The following LMO4 variants were observed in gnomAD, a reference collection of about 807,000 sequenced individuals.
LMO4 encodes the protein LIM domain transcription factor LMO4.
Under a neutral mutation model 18.5 loss-of-function variants are expected in LMO4, and 3 were observed. The observed-to-expected ratio is 0.16, with a 90% CI of 0.07 to 0.42. LMO4 has a LOEUF of 0.42. Among genes scored for constraint, LMO4 ranks in the 10% least tolerant of loss-of-function variants. LMO4 has a pLI of 0.99. For synonymous variants in LMO4, 100 were observed against 88.1 expected (o/e 1.14, Z -0.76); for missense variants, 121 against 219.9 (o/e 0.55, Z 2.84).
rs767934405 is a variant in LMO4, at chr1:87,339,640, T to C, written c.333+8T>C. The C allele has an allele frequency of 1.3e-6, 2 of 1,575,250 alleles. No homozygotes were observed. Among genetic ancestry groups the C allele is most frequent in the East Asian group, 4.5e-5 (2 of 44,676 alleles). The stretch of plus-strand genomic sequence containing the variant: ...AATGTGTATCATCTTAAGGTAGTAT[T>C]TGCATCTCTCTTTTTTTTTTAAAAA... On this transcript the variant is annotated splice_region_variant and intron_variant, in intron 3 of 4. Transcript: ENST00000370544.
rs943594021 is a variant in LMO4 at position 87,345,032 on chromosome 1, GAAAA to G, written c.*239_*242del. ...GCTAATGGGAGACTGTAGAGAAAATGAAAAAAGATCCACCAGAGGACATCTTGGG... is the reference window on the plus strand; with the variant it reads ...GCTAATGGGAGACTGTAGAGAAAATGAAGATCCACCAGAGGACATCTTGGG... On this transcript the variant is annotated 3_prime_UTR_variant, in exon 5 of 5. Transcript: ENST00000370544. 2.0e-5 allele frequency: 3 copies of G among 151,402 alleles called. No individual in the cohort carries two copies. The highest frequency in any genetic ancestry group is 7.8e-5 in the African/African-American group (3 of 38,266). 9.4% of individuals were successfully genotyped at this position (151,402 alleles called of 1,614,324 possible). A position where few individuals can be genotyped will look rare whatever the true frequency, so the allele number is the denominator to read the frequency against.
At chr1:87,340,441 A>G (rs1193678398) in intron 4 of LMO4, among the ~76,000 whole-genome samples, 1 of 152,272 alleles carries the variant, frequency 6.6e-6, no homozygotes, top group Non-Finnish European at 1.5e-5. Flanking sequence ...CACGTTGAAC[A>G]TAAGATTATC....
At chr1:87,332,968 G>A (rs1650199126) in intron 2 of LMO4, among the ~76,000 whole-genome samples, 1 of 152,064 alleles carries the variant, frequency 6.6e-6, no homozygotes, top group South Asian at 2.1e-4. Flanking sequence ...TTCAGGTTTT[G>A]GGTTTTTTGT....
At chr1:87,336,213 C>T (rs1462843428) in intron 2 of LMO4, among the ~76,000 whole-genome samples, 7 of 152,144 alleles carry the variant, frequency 4.6e-5, no homozygotes. Context: ...AATATAGGAA[C>T]CTGCTGGAAA....
chr1:87,340,265 C>T, intron 4 of LMO4, 63 bp downstream of exon 4: 1 of 1,512,754 alleles, frequency 6.6e-7, no homozygotes. Flanking sequence ...AACCTCTTAA[C>T]CTAGCAAGAG....
chr1:87,332,344 G>T, intron 2 of LMO4, 93 bp downstream of exon 2: 1 of 932,092 alleles, frequency 1.1e-6, no homozygotes. Context: ...AGGCGTCTAC[G>T]GGGAGTATGC....
At chr1:87,331,985 C>G (rs1375373787) in intron 1 of LMO4, 28 bp from the exon 2 acceptor site, 2 of 1,580,530 alleles carry the variant, frequency 1.3e-6, no homozygotes, top group Non-Finnish European at 1.7e-6. Context: ...TTGTCTTTCT[C>G]TCCCTGTCCC....
At position 87,348,600 on chromosome 1, in the gene LMO4, T is replaced by TA. The variant is rs1041029371; in HGVS notation, c.*3807dup. 13 of 438,258 alleles carry TA rather than the reference T, an allele frequency of 3.0e-5. No individual in the cohort carries two copies. The highest frequency in any genetic ancestry group is 5.6e-5 in the Non-Finnish European group (12 of 215,654). The allele number at this position is 438,258 out of a possible 1,614,324, so 27.1% of individuals were successfully genotyped here. A position where few individuals can be genotyped will look rare whatever the true frequency, so the allele number is the denominator to read the frequency against. ...CATTCGCCGATGCTGGGTACCTAGTTAAAGAGGCATTTGTAGCCCTCTGCT... is the reference window on the plus strand; with the variant it reads ...CATTCGCCGATGCTGGGTACCTAGTTAAAAGAGGCATTTGTAGCCCTCTGCT... On this transcript the variant is annotated 3_prime_UTR_variant, in exon 5 of 5. Coordinates refer to ENST00000370544, the MANE Select transcript of LMO4 (RefSeq NM_006769.4).
chr1:87,334,637 T>C (rs1650246464), intron 2 of LMO4, among the ~76,000 whole-genome samples: 1 of 152,118 alleles, frequency 6.6e-6, no homozygotes, highest in African/African-American at 2.4e-5. Context: ...TGACTTTGAG[T>C]TGTGGTTTTT....
chr1:87,332,295 G>C (rs1430018601), intron 2 of LMO4, 44 bp downstream of exon 2: 9 of 1,472,826 alleles, frequency 6.1e-6, no homozygotes, highest in Non-Finnish European at 8.5e-6. Flanking sequence ...GAAGAGCAAT[G>C]GCAAGGCCAA....
At position 87,346,151 on chromosome 1, in the gene LMO4, GGTGT is replaced by G. The variant is rs1275908107; in HGVS notation, c.*1356_*1359del. On this transcript the variant is annotated 3_prime_UTR_variant, in exon 5 of 5. Coordinates refer to ENST00000370544, the MANE Select transcript of LMO4 (RefSeq NM_006769.4). ...CTTAGGCTCGTGTGGTTGGCTGTAA[GGTGT>G]TTATTTTGTTTTGCTCCTACACTTC... The G allele has an allele frequency of 1.3e-5, 2 of 152,120 alleles. No individual in the cohort carries two copies. Among genetic ancestry groups the G allele is most frequent in the Non-Finnish European group, 2.9e-5 (2 of 68,034 alleles). The allele number at this position is 152,120 out of a possible 1,614,324, so 9.4% of individuals were successfully genotyped here.
intron 4 of LMO4, among the ~76,000 whole-genome samples, chr1:87,342,956 C>A (rs1418945151): frequency 6.6e-6 from 1 of 151,986 alleles, no homozygotes; most frequent in Non-Finnish European, 1.5e-5. Context: ...TTATTATTTT[C>A]TCCTCTCTCG....
At chr1:87,337,211 G>A (rs927601319) in intron 2 of LMO4, among the ~76,000 whole-genome samples, 6 of 152,114 alleles carry the variant, frequency 3.9e-5, no homozygotes, top group African/African-American at 1.2e-4. Context: ...TGTAATTTTT[G>A]GCACTTCAGG....
chr1:87,335,497 G>C (rs1378363278), intron 2 of LMO4, among the ~76,000 whole-genome samples: 1 of 151,958 alleles, frequency 6.6e-6, no homozygotes, highest in African/African-American at 2.4e-5. Flanking sequence ...CGAGCGGGTC[G>C]CGCTTTCTTT....
chr1:87,335,702 C>T (rs1650288336), intron 2 of LMO4, among the ~76,000 whole-genome samples: 1 of 152,176 alleles, frequency 6.6e-6, no homozygotes, highest in East Asian at 1.9e-4. Context: ...CAACAGCAAG[C>T]TGCTATATTC....
intron 2 of LMO4, among the ~76,000 whole-genome samples, chr1:87,335,549 G>A (rs1650283549): frequency 6.6e-6 from 1 of 151,990 alleles, no homozygotes; most frequent in Non-Finnish European, 1.5e-5. Context: ...GCCCGCAGCC[G>A]CAGTGAGCCC....
At chr1:87,335,389 C>T (rs969883044) in intron 2 of LMO4, among the ~76,000 whole-genome samples, 1 of 151,918 alleles carries the variant, frequency 6.6e-6, no homozygotes, top group East Asian at 1.9e-4. Flanking sequence ...CCTAGGCGGC[C>T]AGCACCCGGG....
intron 1 of LMO4, chr1:87,331,191 T>A (rs1650134007): frequency 6.6e-6 from 1 of 151,662 alleles, no homozygotes; most frequent in Admixed American, 6.6e-5. Flanking sequence ...TAAAGTTCAA[T>A]GATCTATTAT....
At chr1:87,343,975 T>C (rs1650563661) in intron 4 of LMO4, among the ~76,000 whole-genome samples, 1 of 152,258 alleles carries the variant, frequency 6.6e-6, no homozygotes, top group South Asian at 2.1e-4. Context: ...AGTGTGTGGA[T>C]TTCCATTTCT....
Sources: gnomAD v4.1 joint callset for allele counts (sites outside exome capture counted in the v4.1 genomes callset) on GRCh38, gnomAD v4.1.1 for gene constraint, MANE v1.5 for transcripts, NCBI Gene and HGNC (gene_info 2026-07-23, HGNC 2026-07-21) for gene names.